GLIS3: variants seen among roughly 807,000 people sequenced by gnomAD.
GLIS3 encodes zinc finger protein GLIS3.
GLIS3 carries 53 observed loss-of-function variants against 78.6 expected under a neutral mutation model. The observed-to-expected ratio is 0.67, with a 90% CI of 0.54 to 0.85. The LOEUF is 0.85. Among genes scored for constraint, GLIS3 ranks in the 40% least tolerant of loss-of-function variants. GLIS3 has a pLI of 0.00. For synonymous variants in GLIS3, 684 were observed against 509.9 expected (o/e 1.34, Z -4.60); for missense variants, 1,703 against 1,231.1 (o/e 1.38, Z -5.74).
At chr9:4,350,015 A>C (rs1817944498), upstream of GLIS3, among the ~76,000 whole-genome samples, 1 of 152,242 alleles carries the variant, frequency 6.6e-6, no homozygotes, top group East Asian at 1.9e-4. Flanking sequence ...AGACGGACCA[A>C]GAGCAGTGGG....
intron 2 of GLIS3, among the ~76,000 whole-genome samples, chr9:4,178,636 A>G (rs1817009641): frequency 6.6e-6 from 1 of 152,252 alleles, no homozygotes; most frequent in South Asian, 2.1e-4. Flanking sequence ...TAGCAACCAC[A>G]GTTTATCATA....
intron 2 of GLIS3, among the ~76,000 whole-genome samples, chr9:4,261,904 T>C (rs1345576574): frequency 1.3e-5 from 2 of 152,174 alleles, no homozygotes; most frequent in Non-Finnish European, 2.9e-5. Context: ...ACATCGCAAC[T>C]AGTGTACCCT....
chr9:4,095,611 C>T (rs982708902), intron 4 of GLIS3, among the ~76,000 whole-genome samples: 1 of 152,132 alleles, frequency 6.6e-6, no homozygotes, highest in Non-Finnish European at 1.5e-5. Context: ...GTTTCCTCTA[C>T]CAACAATTCT....
At chr9:4,104,877 T>C (rs1190162111) in intron 4 of GLIS3, among the ~76,000 whole-genome samples, 1 of 152,218 alleles carries the variant, frequency 6.6e-6, no homozygotes. Context: ...TCCCCAGTGC[T>C]TAGAAGAGAG....
intron 2 of GLIS3, among the ~76,000 whole-genome samples, chr9:4,180,916 G>C (rs1817264432): frequency 6.6e-6 from 1 of 152,144 alleles, no homozygotes; most frequent in Non-Finnish European, 1.5e-5. Context: ...GGTCCCTTTT[G>C]CTCCATGACT....
At chr9:4,451,699 C>G in the GLIS3 span, among the ~76,000 whole-genome samples, 3 of 152,244 alleles carry the variant, frequency 2.0e-5, no homozygotes, top group East Asian at 5.8e-4. Flanking sequence ...GAAACTCACT[C>G]AAAATTGCAC....
At chr9:4,418,120 A>G in the GLIS3 span, among the ~76,000 whole-genome samples, 3 of 152,222 alleles carry the variant, frequency 2.0e-5, no homozygotes, top group Admixed American at 6.5e-5. Flanking sequence ...AGAGGTCTTA[A>G]TCTTTTTACT....
chr9:4,280,499 G>A (rs555981277), intron 2 of GLIS3, among the ~76,000 whole-genome samples: 1 of 152,134 alleles, frequency 6.6e-6, no homozygotes, highest in East Asian at 1.9e-4. Context: ...AGAGATAAAA[G>A]AGGCAAAATG....
the GLIS3 span, among the ~76,000 whole-genome samples, chr9:4,363,948 G>A: frequency 0.93 from 141,171 of 152,266 alleles, 65,525 homozygotes; most frequent in East Asian, 1. Context: ...TCCTAGTCCA[G>A]TATTACAAAA....
chr9:4,289,078 C>G (rs529872184), intron 1 of GLIS3, among the ~76,000 whole-genome samples: 1 of 151,986 alleles, frequency 6.6e-6, no homozygotes, highest in Non-Finnish European at 1.5e-5. Flanking sequence ...GGATAAAATG[C>G]TATTATAACT....
chr9:3,894,395 G>A (rs2130569590), intron 7 of GLIS3, among the ~76,000 whole-genome samples: 1 of 152,280 alleles, frequency 6.6e-6, no homozygotes, highest in East Asian at 1.9e-4. Context: ...CACTTTTACA[G>A]AAAATTATTT....
chr9:4,385,803 AAGAAAGAAAAGAAAGAAAG>A, the GLIS3 span, among the ~76,000 whole-genome samples: 10,277 of 77,246 alleles, frequency 0.13, 1,108 homozygotes, highest in Middle Eastern at 0.17. Context: ...GAAAGAAAGA[AAGAAAGAAAAGAAAGAAAG>A]AGAAAAGAAA....
chr9:4,242,251 G>A (rs1392168559), intron 2 of GLIS3, among the ~76,000 whole-genome samples: 1 of 152,012 alleles, frequency 6.6e-6, no homozygotes, highest in Admixed American at 6.6e-5. Context: ...GGTAACACAG[G>A]GCCGTCTTTT....
At chr9:4,107,908 GAAT>G (rs1830895549) in intron 4 of GLIS3, among the ~76,000 whole-genome samples, 1 of 152,100 alleles carries the variant, frequency 6.6e-6, no homozygotes, top group Admixed American at 6.5e-5. Context: ...GCAAATAACA[GAAT>G]AATAAACCTC....
rs139466536 is a variant in GLIS3, at chr9:3,898,627, T to C, written c.2128+64A>G. 1.4e-4 allele frequency: 218 copies of C among 1,605,948 alleles called. No individual in the cohort carries two copies. In the East Asian group the frequency reaches 2.2e-3, roughly 16 times the overall value. On this transcript the variant is annotated intron_variant, in intron 7 of 10. Coordinates refer to ENST00000381971, the MANE Select transcript of GLIS3 (RefSeq NM_001042413.2). ...AAATTTTTCTCACGTGAGCATTCCT[T>C]TTAACCAGAGTAAAAGGCCTAAAAA...
chr9:4,253,933 G>A (rs941694935), intron 2 of GLIS3, among the ~76,000 whole-genome samples: 5 of 152,136 alleles, frequency 3.3e-5, no homozygotes, highest in African/African-American at 1.2e-4. Context: ...TCCATGGGCT[G>A]CACTCACTGT....
At chr9:4,298,777 G>C (rs990022411) in intron 1 of GLIS3, among the ~76,000 whole-genome samples, 1 of 152,114 alleles carries the variant, frequency 6.6e-6, no homozygotes, top group African/African-American at 2.4e-5. Context: ...TTCCAGACCT[G>C]GCGGCTGCGG....
chr9:3,833,133 G>A (rs1378034634), intron 9 of GLIS3, among the ~76,000 whole-genome samples: 1 of 152,158 alleles, frequency 6.6e-6, no homozygotes, highest in Non-Finnish European at 1.5e-5. Flanking sequence ...GGACAGAGTA[G>A]ACTCTAATTC....
intron 2 of GLIS3, among the ~76,000 whole-genome samples, chr9:4,219,664 C>T (rs1292574828): frequency 6.6e-6 from 1 of 152,184 alleles, no homozygotes; most frequent in South Asian, 2.1e-4. Flanking sequence ...AAGGCGGTCA[C>T]TATTCTGAGC....
Sources: allele counts gnomAD v4.1 joint callset (sites outside exome capture counted in the v4.1 genomes callset), GRCh38; gene constraint gnomAD v4.1.1; transcripts MANE v1.5; gene names NCBI Gene and HGNC (gene_info 2026-07-23, HGNC 2026-07-21).